The following CSMD1 variants were observed in gnomAD, a reference collection of about 807,000 sequenced individuals.
CSMD1 encodes CUB and Sushi multiple domains 1, also known as CUB and sushi domain-containing protein 1.
CSMD1 carries 213 observed loss-of-function variants against 417.5 expected under a neutral mutation model. The ratio of observed to expected loss-of-function variants is 0.51; its 90% confidence interval spans 0.46 to 0.57. The LOEUF is 0.57. Among genes scored for constraint, CSMD1 ranks in the 20% least tolerant of loss-of-function variants. CSMD1 has a pLI of 0.00. For missense variants in CSMD1, 6,923 were observed against 4,529.7 expected (o/e 1.53, Z -15.17); for synonymous variants, 2,862 against 1,736.8 (o/e 1.65, Z -16.11).
rs549830818 is a variant in CSMD1, at chr8:3,531,358, C to T, written c.1345-37632G>A. ...TTTTTTAGCCCCTATCCGACTTATG[C>T]GGCATTTGCTCAGATGTGTTTTCAT... On this transcript the variant is annotated intron_variant, in intron 10 of 69. Coordinates refer to ENST00000635120, the MANE Select transcript of CSMD1 (RefSeq NM_033225.6). Among the ~76,000 whole-genome samples, 25 of 152,190 alleles carry T rather than the reference C, an allele frequency of 1.6e-4. No individual in the cohort carries two copies. The South Asian group carries it at 2.3e-3, about 14-fold the overall frequency.
chr8:4,811,420 A>G (rs1214329469), intron 1 of CSMD1, among the ~76,000 whole-genome samples: 2 of 152,126 alleles, frequency 1.3e-5, no homozygotes, highest in Non-Finnish European at 2.9e-5. Flanking sequence ...GTTGAATCAT[A>G]TAAAATTGTT....
chr8:3,237,642 A>G (rs1799232719), intron 26 of CSMD1, among the ~76,000 whole-genome samples: 1 of 102,248 alleles, frequency 9.8e-6, no homozygotes, highest in Non-Finnish European at 2.2e-5. Context: ...TACTTATACT[A>G]TAATTTTTTA....
At chr8:3,938,387 C>G (rs944439058) in intron 5 of CSMD1, among the ~76,000 whole-genome samples, 4 of 152,126 alleles carry the variant, frequency 2.6e-5, no homozygotes, top group Non-Finnish European at 4.4e-5. Context: ...TGAATGCAAT[C>G]GGTGGTAGGC....
intron 3 of CSMD1, among the ~76,000 whole-genome samples, chr8:4,383,045 A>C (rs1002755827): frequency 6.6e-6 from 1 of 152,226 alleles, no homozygotes; most frequent in Admixed American, 6.5e-5. Flanking sequence ...GGTCTCTGTC[A>C]GCATTAGGAT....
At chr8:4,126,210 T>C (rs1802755471) in intron 3 of CSMD1, among the ~76,000 whole-genome samples, 1 of 152,108 alleles carries the variant, frequency 6.6e-6, no homozygotes, top group African/African-American at 2.4e-5. Flanking sequence ...CCCCAAATGC[T>C]CTGGGAGACT....
intron 3 of CSMD1, among the ~76,000 whole-genome samples, chr8:4,105,597 T>C (rs935972121): frequency 1.3e-5 from 2 of 152,200 alleles, no homozygotes; most frequent in Non-Finnish European, 2.9e-5. Flanking sequence ...TGATGAGGGC[T>C]ACAGCAGAAG....
intron 19 of CSMD1, 27 bp downstream of exon 19, chr8:3,369,227 T>C (rs1392659844): frequency 9.0e-7 from 1 of 1,109,428 alleles, no homozygotes; most frequent in Non-Finnish European, 1.4e-6. Context: ...TTAGTCTGTA[T>C]GTTTGAGACC....
In CSMD1 at chr8:4,690,791, C is replaced by T. The variant is rs1022680580; in HGVS notation, c.86-53233G>A. ...GTCACCAGGCTGGAGTTCACTGGTG[C>T]GATCTCGGCTCACTGCAACCTCTTC... On this transcript the variant is annotated intron_variant, in intron 1 of 69. Transcript: ENST00000635120. Among the ~76,000 whole-genome samples, 4 of 152,076 alleles carry T rather than the reference C, an allele frequency of 2.6e-5. No homozygotes were observed. In the South Asian group the frequency reaches 6.2e-4, roughly 24 times the overall value.
chr8:4,236,315 A>G (rs973903401), intron 3 of CSMD1, among the ~76,000 whole-genome samples: 1 of 152,072 alleles, frequency 6.6e-6, no homozygotes, highest in African/African-American at 2.4e-5. Flanking sequence ...AGGAAACAGT[A>G]TAGTATAGTA....
chr8:4,767,962 G>A (rs933591975), intron 1 of CSMD1, among the ~76,000 whole-genome samples: 1 of 152,070 alleles, frequency 6.6e-6, no homozygotes, highest in Non-Finnish European at 1.5e-5. Context: ...TCGAGGGCGT[G>A]GGTCAATCTA....
chr8:3,553,276 C>T (rs144182246), intron 10 of CSMD1, among the ~76,000 whole-genome samples: 3 of 152,240 alleles, frequency 2.0e-5, no homozygotes, highest in African/African-American at 7.2e-5. Context: ...GCAGGCACAC[C>T]GTCAGCACAC....
chr8:3,255,959 C>T (rs1447864524), intron 26 of CSMD1, among the ~76,000 whole-genome samples: 1 of 152,198 alleles, frequency 6.6e-6, no homozygotes, highest in East Asian at 1.9e-4. Flanking sequence ...CTGCATCGTT[C>T]ATGCTGGGAG....
rs796831363 is a variant in CSMD1 at position 3,789,371 on chromosome 8, GT to G, written c.819-35330del. On this transcript the variant is annotated intron_variant, in intron 5 of 69. Transcript: ENST00000635120. ...ACTTGTGTCTGCTTGTATTGCTAGT[GT>G]TTTTTTTTTTAAGTAGTGTTTTTTT... Among the ~76,000 whole-genome samples, 188 of 107,360 alleles carry G rather than the reference GT, an allele frequency of 1.8e-3. 4 individuals are homozygous for G. Among genetic ancestry groups the G allele is most frequent in the African/African-American group, 5.3e-3 (147 of 27,880 alleles). The allele number at this position is 107,360 out of a possible 152,430, so 70.4% of individuals were successfully genotyped here. A position where few individuals can be genotyped will look rare whatever the true frequency, so the allele number is the denominator to read the frequency against.
intron 54 of CSMD1, 34 bp downstream of exon 54, chr8:2,997,977 G>C (rs1243844850): frequency 6.3e-7 from 1 of 1,599,218 alleles, no homozygotes; most frequent in Non-Finnish European, 8.5e-7. Context: ...AACACTCTCA[G>C]AGCAAAGGGC....
chr8:4,589,450 GGTTAA>G (rs1799878407), intron 2 of CSMD1, among the ~76,000 whole-genome samples: 2 of 152,182 alleles, frequency 1.3e-5, no homozygotes, highest in Admixed American at 6.5e-5. Flanking sequence ...AGAATTAAAG[GGTTAA>G]GTTAAGTAAG....
chr8:4,215,051 C>G (rs1800555180), intron 3 of CSMD1, among the ~76,000 whole-genome samples: 1 of 152,072 alleles, frequency 6.6e-6, no homozygotes, highest in Non-Finnish European at 1.5e-5. Context: ...CAAGCTGGCT[C>G]AGAGAAAGCC....
chr8:4,173,131 A>C (rs989079973), intron 3 of CSMD1, among the ~76,000 whole-genome samples: 1 of 152,206 alleles, frequency 6.6e-6, no homozygotes, highest in Non-Finnish European at 1.5e-5. Context: ...TATACAGTGC[A>C]ACAAGTATAG....
At chr8:4,751,393 G>T (rs564241600) in intron 1 of CSMD1, among the ~76,000 whole-genome samples, 21 of 151,792 alleles carry the variant, frequency 1.4e-4, no homozygotes, top group Admixed American at 1.1e-3. Context: ...TCTGTCTCAG[G>T]GGGGGTGGCG....
intron 1 of CSMD1, among the ~76,000 whole-genome samples, chr8:4,700,848 G>A (rs1048423401): frequency 1.3e-5 from 2 of 152,154 alleles, no homozygotes; most frequent in African/African-American, 2.4e-5. Flanking sequence ...AGAATAGGAA[G>A]AAAGGATGAA....
Sources: allele counts gnomAD v4.1 joint callset (sites outside exome capture counted in the v4.1 genomes callset), GRCh38; gene constraint gnomAD v4.1.1; transcripts MANE v1.5; gene names NCBI Gene and HGNC (gene_info 2026-07-23, HGNC 2026-07-21).